The following EPHA3 variants were observed in gnomAD, a reference collection of about 807,000 sequenced individuals.
The protein encoded by EPHA3 is ephrin type-A receptor 3.
A neutral mutation model predicts 107.1 loss-of-function variants in EPHA3; 42 were observed. The ratio of observed to expected loss-of-function variants is 0.39; its 90% CI spans 0.31 to 0.51. EPHA3 has a LOEUF of 0.51. Ranked by LOEUF, EPHA3 falls within the 20% of genes least tolerant of loss-of-function variation. The probability of loss-of-function intolerance (pLI) is 0.78; values close to 1 mark genes in which losing one functional copy is unlikely to be tolerated. For missense variants in EPHA3, 1,183 were observed against 1,211.2 expected (o/e 0.98, Z 0.35); for synonymous variants, 461 against 424.8 (o/e 1.09, Z -1.05).
rs996182889 is a variant in EPHA3, at chr3:89,314,924, A to G, written c.815-25992A>G. Among the ~76,000 whole-genome samples, 9 of 151,944 alleles carry G rather than the reference A, an allele frequency of 5.9e-5. No individual in the cohort carries two copies. The Admixed American group carries it at 5.9e-4, about 10-fold the overall frequency. On this transcript the variant is annotated intron_variant, in intron 3 of 16. Transcript: ENST00000336596. Reference sequence around the variant, plus strand: ...AGAATGTACTTACACAAACCTAGATAGTATAGCTTACCACATACTTTGGCT... The same window carrying G: ...AGAATGTACTTACACAAACCTAGATGGTATAGCTTACCACATACTTTGGCT...
intron 5 of EPHA3, among the ~76,000 whole-genome samples, chr3:89,355,429 C>T (rs1362697910): frequency 6.6e-6 from 1 of 151,048 alleles, no homozygotes; most frequent in Non-Finnish European, 1.5e-5. Flanking sequence ...GCAAATATGC[C>T]TTGGGAAAAA....
intron 13 of EPHA3, among the ~76,000 whole-genome samples, chr3:89,446,589 T>G (rs1479163738): frequency 6.6e-6 from 1 of 152,160 alleles, no homozygotes; most frequent in African/African-American, 2.4e-5. Flanking sequence ...TTTTTTCTTA[T>G]GACTCTATTT....
At chr3:89,390,954 G>GT (rs964892904) in intron 5 of EPHA3, among the ~76,000 whole-genome samples, 6 of 151,230 alleles carry the variant, frequency 4.0e-5, no homozygotes, top group Admixed American at 2.0e-4. Flanking sequence ...CATCTGGCTC[G>GT]TTTTTTTGTA....
chr3:89,198,178 T>A (rs181878314), intron 2 of EPHA3, among the ~76,000 whole-genome samples: 9 of 152,276 alleles, frequency 5.9e-5, no homozygotes, highest in African/African-American at 2.2e-4. Flanking sequence ...AATACATTTA[T>A]ATTATTTTAT....
At chr3:89,342,875 A>G (rs1707563371) in intron 5 of EPHA3, among the ~76,000 whole-genome samples, 1 of 151,226 alleles carries the variant, frequency 6.6e-6, no homozygotes, top group African/African-American at 2.4e-5. Context: ...ACACACACAC[A>G]CACACACACA....
At chr3:89,258,038 A>G (rs1006063791) in intron 3 of EPHA3, among the ~76,000 whole-genome samples, 2 of 152,242 alleles carry the variant, frequency 1.3e-5, no homozygotes, top group African/African-American at 4.8e-5. Context: ...CAAATTTAGC[A>G]GGACTCATGA....
At chr3:89,293,998 CT>C (rs1478647405) in intron 3 of EPHA3, among the ~76,000 whole-genome samples, 1 of 152,014 alleles carries the variant, frequency 6.6e-6, no homozygotes, top group Non-Finnish European at 1.5e-5. Context: ...AAGTAGTATA[CT>C]TTTTCCATTC....
At chr3:89,157,500 A>G (rs1442408129) in intron 2 of EPHA3, among the ~76,000 whole-genome samples, 1 of 152,010 alleles carries the variant, frequency 6.6e-6, no homozygotes, top group African/African-American at 2.4e-5. Context: ...ATAGAATATC[A>G]TATTTCTTTT....
chr3:89,120,361 A>C (rs549698856), intron 1 of EPHA3, among the ~76,000 whole-genome samples: 1 of 152,320 alleles, frequency 6.6e-6, no homozygotes, highest in Non-Finnish European at 1.5e-5. Flanking sequence ...TCATAATATC[A>C]GTTAACAATG....
intron 5 of EPHA3, among the ~76,000 whole-genome samples, chr3:89,364,147 T>C (rs1365385990): frequency 6.6e-6 from 1 of 150,892 alleles, no homozygotes; most frequent in African/African-American, 2.4e-5. Context: ...TTCACTACAC[T>C]GTTTCCCTTT....
intron 2 of EPHA3, among the ~76,000 whole-genome samples, chr3:89,129,674 A>G (rs1274029155): frequency 2.0e-5 from 3 of 146,544 alleles, no homozygotes; most frequent in African/African-American, 7.6e-5. Context: ...TAGGTTTTGG[A>G]TTTAATAGCC....
At chr3:89,252,471 C>CTCA (rs1479023037) in intron 3 of EPHA3, among the ~76,000 whole-genome samples, 1 of 152,170 alleles carries the variant, frequency 6.6e-6, no homozygotes. Context: ...GATACAGTGG[C>CTCA]TCATGCCTGT....
chr3:89,138,224 T>G (rs77609548), intron 2 of EPHA3, among the ~76,000 whole-genome samples: 2,482 of 151,994 alleles, frequency 0.016, 62 homozygotes, highest in African/African-American at 0.055. Flanking sequence ...AAGACGCGTT[T>G]CCCTGGCAAC....
chr3:89,211,621 G>C (rs1431473815), intron 3 of EPHA3, among the ~76,000 whole-genome samples: 1 of 151,658 alleles, frequency 6.6e-6, no homozygotes, highest in Non-Finnish European at 1.5e-5. Flanking sequence ...TTTTGCTTTT[G>C]ACTGTAGACA....
At chr3:89,466,439 G>C (rs1315497131) in intron 15 of EPHA3, among the ~76,000 whole-genome samples, 1 of 122,542 alleles carries the variant, frequency 8.2e-6, no homozygotes, top group Non-Finnish European at 1.7e-5. Context: ...CCTCGTTGCC[G>C]CCTTGCAGTT....
At chr3:89,223,562 T>G (rs1397906316) in intron 3 of EPHA3, among the ~76,000 whole-genome samples, 1 of 152,204 alleles carries the variant, frequency 6.6e-6, no homozygotes, top group Non-Finnish European at 1.5e-5. Context: ...TGTACGTTCC[T>G]AGACTAGTAA....
intron 2 of EPHA3, among the ~76,000 whole-genome samples, chr3:89,136,121 C>T (rs1360663221): frequency 2.6e-5 from 4 of 151,782 alleles, no homozygotes; most frequent in Non-Finnish European, 5.9e-5. Context: ...GGGATTCTGC[C>T]TTTATGAATC....
At position 89,357,586 on chromosome 3, in the gene EPHA3, A is replaced by T. The variant is rs1404884866; in HGVS notation, c.1306+15496A>T. Among the ~76,000 whole-genome samples the T allele has an allele frequency of 2.0e-5, 3 of 151,338 alleles. 1 individual carries two copies. The highest frequency in any genetic ancestry group is 4.4e-5 in the Non-Finnish European group (3 of 67,586). On this transcript the variant is annotated intron_variant, in intron 5 of 16. Coordinates refer to ENST00000336596, the MANE Select transcript of EPHA3 (RefSeq NM_005233.6). ...GTATATATCCTCTAAAATGAAGTAC[A>T]TGTTATGGATATTTATACAGATTTT...
chr3:89,146,338 T>C (rs1452695037), intron 2 of EPHA3, among the ~76,000 whole-genome samples: 1 of 151,898 alleles, frequency 6.6e-6, no homozygotes, highest in Admixed American at 6.6e-5. Context: ...TGAGTAATGA[T>C]GCTGCCAATT....
Sources: allele counts gnomAD v4.1 joint callset (sites outside exome capture counted in the v4.1 genomes callset), GRCh38; gene constraint gnomAD v4.1.1; transcripts MANE v1.5; gene names NCBI Gene and HGNC (gene_info 2026-07-23, HGNC 2026-07-21).